RPGRIP1: variants seen among roughly 807,000 people sequenced by gnomAD.
The protein encoded by RPGRIP1 is RPGR interacting protein 1, also known as X-linked retinitis pigmentosa GTPase regulator-interacting protein 1.
A neutral mutation model predicts 157.9 loss-of-function variants in RPGRIP1; 128 were observed. The ratio of observed to expected loss-of-function variants is 0.81; its 90% CI spans 0.70 to 0.94. RPGRIP1 has a LOEUF of 0.94. Ranked by LOEUF, RPGRIP1 falls within the 40% of genes least tolerant of loss-of-function variation. The probability of loss-of-function intolerance (pLI) is 0.00; values close to 1 mark genes in which losing one functional copy is unlikely to be tolerated. For synonymous variants in RPGRIP1, 554 were observed against 571.6 expected, an observed-to-expected ratio of 0.97 and a Z score of 0.44; for missense variants, 1,486 against 1,545.8, an observed-to-expected ratio of 0.96 and a Z score of 0.65.
chr14:21,343,866 GT>G (rs67535379), intron 22 of RPGRIP1, among the ~76,000 whole-genome samples: 2 of 50,440 alleles, frequency 4.0e-5, no homozygotes, highest in Non-Finnish European at 3.6e-5. Context: ...CTCTTTTCCT[GT>G]TTTTTTTTTT....
chr14:21,312,192 T>C (rs1228803296), intron 9 of RPGRIP1, among the ~76,000 whole-genome samples: 2 of 152,162 alleles, frequency 1.3e-5, no homozygotes, highest in East Asian at 3.8e-4. Flanking sequence ...TTTTGCTGCT[T>C]CCCTAGCAGT....
chr14:21,283,673 C>A, intron 1 of RPGRIP1, among the ~76,000 whole-genome samples: 1 of 144,812 alleles, frequency 6.9e-6, no homozygotes. Flanking sequence ...TTTTTTTAGA[C>A]AGAGTCTCAC....
At chr14:21,287,536 G>C (rs1325379438) in intron 1 of RPGRIP1, among the ~76,000 whole-genome samples, 4 of 152,112 alleles carry the variant, frequency 2.6e-5, no homozygotes, top group Non-Finnish European at 5.9e-5. Flanking sequence ...ATTAACCCTG[G>C]TCCAATCAGC....
intron 3 of RPGRIP1, among the ~76,000 whole-genome samples, chr14:21,297,899 A>C (rs1880864377): frequency 1.6e-5 from 1 of 61,788 alleles, no homozygotes; most frequent in African/African-American, 6.6e-5. Flanking sequence ...ATAGGGTCTC[A>C]CTCTGGCACA....
chr14:21,288,556 C>T (rs1450755969), intron 2 of RPGRIP1, among the ~76,000 whole-genome samples: 1 of 151,444 alleles, frequency 6.6e-6, no homozygotes, highest in Non-Finnish European at 1.5e-5. Flanking sequence ...CTCTCGTCCC[C>T]CAGGCTGGAG....
At chr14:21,304,313 CAAAA>C (rs760147376) in intron 6 of RPGRIP1, among the ~76,000 whole-genome samples, 1 of 41,298 alleles carries the variant, frequency 2.4e-5, no homozygotes. Context: ...AAAACTCTGT[CAAAA>C]AAAAAAAAAA....
intron 10 of RPGRIP1, among the ~76,000 whole-genome samples, chr14:21,316,490 C>T (rs561084919): frequency 2.6e-5 from 4 of 152,166 alleles, no homozygotes; most frequent in Non-Finnish European, 5.9e-5. Flanking sequence ...GATCTCAGCT[C>T]GCTGCAGTGT....
Position 21,343,027 on chromosome 14 carries a change from C to T in RPGRIP1, c.3340-9C>T. ...CCTTTAGGAACTAAATAAACATTTT[C>T]CTTATCAGGATTCAGAGAAGATGTG... On this transcript the variant is annotated splice_polypyrimidine_tract_variant and intron_variant, in intron 21 of 24. Transcript: ENST00000400017. 3 of 1,607,450 alleles carry T rather than the reference C, an allele frequency of 1.9e-6. No individual in the cohort carries two copies. Among genetic ancestry groups the T allele is most frequent in the Non-Finnish European group, 2.6e-6 (3 of 1,175,590 alleles).
intron 7 of RPGRIP1, among the ~76,000 whole-genome samples, chr14:21,308,318 T>C (rs1376706702): frequency 6.6e-6 from 1 of 152,194 alleles, no homozygotes; most frequent in African/African-American, 2.4e-5. Context: ...AACTAACATC[T>C]GATTGGTGGA....
At chr14:21,329,147 C>CAA (rs527281874) in intron 19 of RPGRIP1, among the ~76,000 whole-genome samples, 22 of 74,094 alleles carry the variant, frequency 3.0e-4, no homozygotes, top group African/African-American at 6.0e-4. Context: ...TCCATCTCAC[C>CAA]AAAAAAAAAA....
chr14:21,317,394 A>G lies in RPGRIP1; in HGVS notation c.1152-302A>G, dbSNP rs1881878564. The G allele has an allele frequency of 5.3e-6, 3 of 566,744 alleles. No individual in the cohort carries two copies. The South Asian group carries it at 8.2e-5, about 16-fold the overall frequency. 35.1% of individuals were successfully genotyped at this position (566,744 alleles called of 1,614,324 possible). ...CAGGCCTGAGAAGGTCTTGATACAT[A>G]GTTCCCTGACTAAAGAAAGCCATCA... On this transcript the variant is annotated intron_variant, in intron 10 of 24. Coordinates refer to ENST00000400017, the MANE Select transcript of RPGRIP1 (RefSeq NM_020366.4).
chr14:21,313,984 G>C (rs1881656341), intron 10 of RPGRIP1, among the ~76,000 whole-genome samples: 1 of 138,314 alleles, frequency 7.2e-6, no homozygotes, highest in South Asian at 2.3e-4. Flanking sequence ...GTTTCACTCT[G>C]TTACCCAGGC....
intron 1 of RPGRIP1, among the ~76,000 whole-genome samples, chr14:21,284,540 A>ATT (rs67923336): frequency 0.18 from 22,886 of 130,512 alleles, 2,713 homozygotes; most frequent in East Asian, 0.29. Context: ...GGAGAACTAA[A>ATT]TTTTTTTTTT....
At chr14:21,326,599 A>G (rs1883139958) in intron 17 of RPGRIP1, among the ~76,000 whole-genome samples, 2 of 151,924 alleles carry the variant, frequency 1.3e-5, no homozygotes, top group Admixed American at 1.3e-4. Flanking sequence ...TCAACTCCCG[A>G]CCTCAGGTGA....
intron 10 of RPGRIP1, among the ~76,000 whole-genome samples, chr14:21,313,410 A>G (rs1411157400): frequency 6.6e-6 from 1 of 152,132 alleles, no homozygotes; most frequent in Non-Finnish European, 1.5e-5. Context: ...AAAACAAATA[A>G]ACAAATAAAA....
Position 21,300,980 on chromosome 14 carries a change from T to G in RPGRIP1, c.233T>G (p.Leu78Trp). ...QDEIKRLRTT[L>W]LRLTAAGRDL... ...TTTGTCCACAGGCTGAGGACCACCT[T>G]GCTGCGGTTGACCGCTGCTGGCCGG... The change falls in exon 4 of 25, where the codon TTG becomes TGG. Residue 78 changes from leucine (L) to tryptophan (W), a missense_variant. Transcript: ENST00000400017. 1 of 1,612,944 alleles carries G rather than the reference T, an allele frequency of 6.2e-7. No individual in the cohort carries two copies. The highest frequency in any genetic ancestry group is 8.5e-7 in the Non-Finnish European group (1 of 1,179,428).
chr14:21,290,944 T>C (rs1880504653), intron 2 of RPGRIP1, among the ~76,000 whole-genome samples: 1 of 148,378 alleles, frequency 6.7e-6, no homozygotes, highest in East Asian at 2.0e-4. Context: ...TAGGTTGCAG[T>C]GAGCCGAGAT....
rs927137137 is a variant in RPGRIP1 at position 21,324,985 on chromosome 14, A to C, written c.2130A>C (p.Glu710Asp). The change falls in exon 15 of 25, where the codon GAA (glutamate) becomes GAC (aspartate). Residue 710 changes from glutamate (E) to aspartate (D), a missense_variant. Glu to Asp is a conservative substitution (Grantham distance 45). Coordinates refer to ENST00000400017, the MANE Select transcript of RPGRIP1 (RefSeq NM_020366.4). ...ACATACACCAGGCCATGGCCAGTGA[A>C]CACAGCACTCTTGCTGCAGGATGGA... is the stretch of plus-strand genomic sequence containing the variant. ...RLDIHQAMAS[E>D]HSTLAAGWIC... 6.2e-7 allele frequency: 1 copy of C among 1,614,064 alleles called. No homozygotes were observed. The highest frequency in any genetic ancestry group is 1.3e-5 in the African/African-American group (1 of 75,058).
intron 3 of RPGRIP1, among the ~76,000 whole-genome samples, chr14:21,298,276 ATCACCTGAG>A (rs1050670394): frequency 2.0e-5 from 3 of 152,054 alleles, no homozygotes; most frequent in Non-Finnish European, 4.4e-5. Context: ...AGGTGGGCAG[ATCACCTGAG>A]GTCAGGAGTT....
Sources: gnomAD v4.1 joint callset for allele counts (sites outside exome capture counted in the v4.1 genomes callset) on GRCh38, gnomAD v4.1.1 for gene constraint, MANE v1.5 for transcripts, NCBI Gene and HGNC (gene_info 2026-07-23, HGNC 2026-07-21) for gene names.